Variants in SUSD1 observed in about 807,000 individuals in gnomAD.
SUSD1 encodes the protein sushi domain containing 1.
Under a neutral mutation model 86.9 loss-of-function variants are expected in SUSD1, and 65 were observed. That is an observed-to-expected ratio of 0.75 (90% CI 0.61 to 0.92). The LOEUF is 0.92. SUSD1 is among the 40% of genes least tolerant of loss of function. SUSD1 has a pLI of 0.00. For missense variants in SUSD1, 850 were observed against 929.7 expected, an observed-to-expected ratio of 0.91 and a Z score of 1.11; for synonymous variants, 346 against 350.0, an observed-to-expected ratio of 0.99 and a Z score of 0.13.
intron 5 of SUSD1, among the ~76,000 whole-genome samples, chr9:112,128,780 A>T (rs115693775): frequency 0.013 from 1,943 of 152,324 alleles, 33 homozygotes; most frequent in African/African-American, 0.044. Flanking sequence ...AAACGAAAGA[A>T]CCAATGCAAA....
chr9:112,131,507 G>C (rs964582139), intron 5 of SUSD1, among the ~76,000 whole-genome samples: 11 of 152,168 alleles, frequency 7.2e-5, no homozygotes, highest in Admixed American at 2.6e-4. Flanking sequence ...ACATGACCCT[G>C]TCACAGATAT....
At chr9:112,138,240 T>TATATATGTATATACAC (rs1554770297) in intron 5 of SUSD1, among the ~76,000 whole-genome samples, 424 of 25,044 alleles carry the variant, frequency 0.017, 69 homozygotes, top group African/African-American at 0.059. Context: ...AAAATGTGTA[T>TATATATGTATATACAC]ATATATATAT....
intron 12 of SUSD1, among the ~76,000 whole-genome samples, chr9:112,067,189 A>G (rs577861861): frequency 3.9e-5 from 6 of 152,164 alleles, no homozygotes; most frequent in Non-Finnish European, 8.8e-5. Context: ...AGAAGATTGG[A>G]GGGTTTTATT....
chr9:112,090,096 GA>G (rs1325639729), intron 10 of SUSD1, among the ~76,000 whole-genome samples: 1 of 151,632 alleles, frequency 6.6e-6, no homozygotes, highest in East Asian at 1.9e-4. Context: ...CAAAATCTTA[GA>G]AAAACTAATA....
At chr9:112,174,503 G>T (rs1834181197) in intron 1 of SUSD1, among the ~76,000 whole-genome samples, 1 of 152,164 alleles carries the variant, frequency 6.6e-6, no homozygotes, top group Non-Finnish European at 1.5e-5. Flanking sequence ...ACATTTGCTG[G>T]TCTAAATCCT....
chr9:112,158,299 T>C (rs1833425381), intron 1 of SUSD1, among the ~76,000 whole-genome samples: 3 of 152,188 alleles, frequency 2.0e-5, no homozygotes, highest in African/African-American at 7.2e-5. Flanking sequence ...ATACCTAAAA[T>C]GCCTATGCCT....
intron 5 of SUSD1, among the ~76,000 whole-genome samples, chr9:112,141,991 C>T (rs1192642445): frequency 6.7e-6 from 1 of 149,250 alleles, no homozygotes; most frequent in Non-Finnish European, 1.5e-5. Context: ...AACACCCAAA[C>T]CATTTCCCTA....
At chr9:112,123,276 G>C (rs1413136084) in intron 6 of SUSD1, among the ~76,000 whole-genome samples, 1 of 152,148 alleles carries the variant, frequency 6.6e-6, no homozygotes, top group Non-Finnish European at 1.5e-5. Flanking sequence ...GAGGGAGCAG[G>C]CATGTCACAC....
chr9:112,164,755 T>C (rs1362969491), intron 1 of SUSD1, among the ~76,000 whole-genome samples: 9 of 152,140 alleles, frequency 5.9e-5, no homozygotes, highest in Non-Finnish European at 1.0e-4. Context: ...TCATCCTGGC[T>C]AACACGGTGA....
intron 4 of SUSD1, 198 bp from the exon 5 acceptor site, chr9:112,142,697 A>G: frequency 3.6e-6 from 2 of 549,090 alleles, no homozygotes; most frequent in Admixed American, 7.2e-5. Context: ...TTCCATAGGT[A>G]AAGCATCTAT....
rs758198660 is a variant in SUSD1, at chr9:112,142,327, A to G, written c.699T>C (p.His233=). The change falls in exon 5 of 17, where the codon CAT becomes CAC. Residue 233 remains histidine (H), a synonymous_variant. Transcript: ENST00000374270. The stretch of plus-strand genomic sequence containing the variant: ...TATTTTTTGAAAACTCACCTTGGCA[A>G]TGTAATTTTGGGGACTCCCATGTGC... ...GLGTWESPKL[H]CQEINCGNPP... 3.8e-6 allele frequency: 6 copies of G among 1,572,952 alleles called. No individual in the cohort carries two copies. Among genetic ancestry groups the G allele is most frequent in the Non-Finnish European group, 5.2e-6 (6 of 1,161,034 alleles).
At chr9:112,061,113 C>T (rs1828704348) in intron 13 of SUSD1, among the ~76,000 whole-genome samples, 1 of 152,180 alleles carries the variant, frequency 6.6e-6, no homozygotes, top group African/African-American at 2.4e-5. Context: ...TATAATCTGG[C>T]AATGTGGGAG....
chr9:112,044,643 T>C (rs1159758319), intron 15 of SUSD1, among the ~76,000 whole-genome samples: 1 of 152,178 alleles, frequency 6.6e-6, no homozygotes, highest in Non-Finnish European at 1.5e-5. Context: ...TCACTAGAGC[T>C]TACACCATAT....
At chr9:112,092,106 C>T (rs1268646327) in intron 10 of SUSD1, among the ~76,000 whole-genome samples, 1 of 152,212 alleles carries the variant, frequency 6.6e-6, no homozygotes, top group Non-Finnish European at 1.5e-5. Flanking sequence ...CAGTTGCTAG[C>T]TCAGTGACAC....
chr9:112,106,414 T>C (rs1000791660), intron 8 of SUSD1, among the ~76,000 whole-genome samples: 2 of 152,158 alleles, frequency 1.3e-5, no homozygotes, highest in Non-Finnish European at 2.9e-5. Flanking sequence ...TGAGCTCTCA[T>C]TCACATGTGA....
At chr9:112,044,652 A>C (rs560677838) in intron 15 of SUSD1, among the ~76,000 whole-genome samples, 2 of 152,378 alleles carry the variant, frequency 1.3e-5, no homozygotes, top group African/African-American at 2.4e-5. Flanking sequence ...CTTACACCAT[A>C]TATCAAAATA....
intron 5 of SUSD1, among the ~76,000 whole-genome samples, chr9:112,129,623 T>C (rs1831929336): frequency 6.6e-6 from 1 of 152,174 alleles, no homozygotes; most frequent in African/African-American, 2.4e-5. Flanking sequence ...GTATTATCTA[T>C]CCTTATACAA....
intron 12 of SUSD1, among the ~76,000 whole-genome samples, chr9:112,064,275 C>T (rs1828873660): frequency 6.6e-6 from 1 of 152,156 alleles, no homozygotes; most frequent in South Asian, 2.1e-4. Context: ...GCATTCCTGC[C>T]TGAGCTCCAC....
chr9:112,131,749 A>C (rs941960340), intron 5 of SUSD1, among the ~76,000 whole-genome samples: 4 of 152,256 alleles, frequency 2.6e-5, no homozygotes, highest in Admixed American at 2.6e-4. Context: ...TTTGCATTGC[A>C]TATGCATAGG....
Sources: gnomAD v4.1 joint callset for allele counts (sites outside exome capture counted in the v4.1 genomes callset) on GRCh38, gnomAD v4.1.1 for gene constraint, MANE v1.5 for transcripts, NCBI Gene and HGNC (gene_info 2026-07-23, HGNC 2026-07-21) for gene names.